The following FRMPD4 variants were observed in gnomAD, a reference collection of about 807,000 sequenced individuals.
The protein encoded by FRMPD4 is FERM and PDZ domain-containing protein 4.
Under a neutral mutation model 94.1 loss-of-function variants are expected in FRMPD4, and 22 were observed. The observed-to-expected ratio is 0.23, with a 90% CI of 0.17 to 0.33. FRMPD4 has a LOEUF of 0.33. Among genes scored for constraint, FRMPD4 ranks in the 10% least tolerant of loss-of-function variants. The pLI is 1.00. For missense variants in FRMPD4, 1,111 were observed against 1,339.9 expected, an observed-to-expected ratio of 0.83 and a Z score of 2.67; for synonymous variants, 631 against 548.6, an observed-to-expected ratio of 1.15 and a Z score of -2.10.
chrX:12,550,502 T>C (rs1180029983), intron 2 of FRMPD4, among the ~76,000 whole-genome samples: 1 of 111,500 alleles, frequency 9.0e-6, no homozygotes, highest in Non-Finnish European at 1.9e-5. Context: ...TTATTTTGGA[T>C]TCACTGAGGT....
At chrX:12,152,673 A>C (rs1009856138) in intron 1 of FRMPD4, among the ~76,000 whole-genome samples, 2 of 111,400 alleles carry the variant, frequency 1.8e-5, no homozygotes, top group African/African-American at 6.5e-5. Context: ...TATATTAAAG[A>C]TATGTATTAT....
intron 1 of FRMPD4, among the ~76,000 whole-genome samples, chrX:12,303,777 A>T (rs764591607): frequency 8.9e-6 from 1 of 112,505 alleles, no homozygotes; most frequent in Non-Finnish European, 1.9e-5. Flanking sequence ...ATATGAAAGG[A>T]AACCAAAAAG....
At chrX:12,002,813 G>A (rs2054531017) in intron 3 of FRMPD4, among the ~76,000 whole-genome samples, 1 of 111,564 alleles carries the variant, frequency 9.0e-6, no homozygotes, top group Non-Finnish European at 1.9e-5. Context: ...AATATTGCAT[G>A]CTTAAGCTTC....
chrX:12,109,532 A>G (rs1256856474), intron 3 of FRMPD4, among the ~76,000 whole-genome samples: 1 of 111,974 alleles, frequency 8.9e-6, no homozygotes, highest in Non-Finnish European at 1.9e-5. Flanking sequence ...GCAAGAGCAA[A>G]CACATTGAAA....
intron 1 of FRMPD4, among the ~76,000 whole-genome samples, chrX:12,476,604 A>C (rs1230760202): frequency 2.7e-5 from 3 of 111,985 alleles, no homozygotes; most frequent in East Asian, 2.8e-4. Flanking sequence ...CAATGAACTC[A>C]AACAAATTTA....
chrX:12,448,470 C>T (rs1236463370), intron 1 of FRMPD4, among the ~76,000 whole-genome samples: 1 of 112,121 alleles, frequency 8.9e-6, no homozygotes, highest in Non-Finnish European at 1.9e-5. Flanking sequence ...ACAATGTAGA[C>T]TAGGCAAATT....
At chrX:12,375,733 G>A (rs1239722176) in intron 1 of FRMPD4, among the ~76,000 whole-genome samples, 1 of 111,997 alleles carries the variant, frequency 8.9e-6, no homozygotes, top group Non-Finnish European at 1.9e-5. Flanking sequence ...GTCATCGGGG[G>A]CCTAAGTTGT....
chrX:12,027,172 C>T (rs181115584), intron 3 of FRMPD4, among the ~76,000 whole-genome samples: 96 of 112,197 alleles, frequency 8.6e-4, no homozygotes, highest in African/African-American at 2.9e-3. Context: ...TCTGTTCAAC[C>T]TGTTTACTTG....
At chrX:12,076,237 G>A (rs941781112) in intron 3 of FRMPD4, among the ~76,000 whole-genome samples, 9 of 110,514 alleles carry the variant, frequency 8.1e-5, no homozygotes, top group African/African-American at 2.3e-4. Context: ...ATAGAGTAGC[G>A]CCAACTGGTG....
rs779031672 is a variant in FRMPD4 at position 12,004,467 on chromosome X, G to A, written c.95+126449G>A. Among the ~76,000 whole-genome samples, 13 of 111,641 alleles carry A rather than the reference G, an allele frequency of 1.2e-4. No individual in the cohort carries two copies. The East Asian group carries it at 3.7e-3, about 31-fold the overall frequency. On this transcript the variant is annotated intron_variant, in intron 3 of 18. Transcript: ENST00000640291. ...TTTGCCAGGCTCTGTTCACCACCAA[G>A]CCTGGCCTGGCTCAACTCAAACTAG...
chrX:12,348,687 A>G (rs1287748406), intron 1 of FRMPD4, among the ~76,000 whole-genome samples: 1 of 111,468 alleles, frequency 9.0e-6, no homozygotes, highest in East Asian at 2.8e-4. Flanking sequence ...TTGACCATAA[A>G]CTAATTGAAA....
chrX:12,571,658 C>G (rs996107352), intron 2 of FRMPD4, among the ~76,000 whole-genome samples: 1 of 112,814 alleles, frequency 8.9e-6, no homozygotes, highest in Non-Finnish European at 1.9e-5. Flanking sequence ...CTTTCTTCCC[C>G]TTCCAGCAAA....
At chrX:12,530,753 A>G (rs2058276629) in intron 2 of FRMPD4, among the ~76,000 whole-genome samples, 1 of 111,817 alleles carries the variant, frequency 8.9e-6, no homozygotes, top group Non-Finnish European at 1.9e-5. Context: ...AAGAAGGACC[A>G]TAGCTTAGTT....
chrX:12,491,058 A>G (rs1423085574), intron 1 of FRMPD4, among the ~76,000 whole-genome samples: 1 of 110,932 alleles, frequency 9.0e-6, no homozygotes, highest in Non-Finnish European at 1.9e-5. Flanking sequence ...AATATATGGC[A>G]ATGTGTTTCC....
intron 1 of FRMPD4, among the ~76,000 whole-genome samples, chrX:12,311,206 G>T (rs996021296): frequency 9.0e-6 from 1 of 111,595 alleles, no homozygotes; most frequent in African/African-American, 3.3e-5. Flanking sequence ...ACTGGGTATG[G>T]GTGTGACACA....
intron 2 of FRMPD4, among the ~76,000 whole-genome samples, chrX:11,872,254 G>A (rs950401950): frequency 3.6e-5 from 4 of 112,201 alleles, no homozygotes; most frequent in Non-Finnish European, 3.8e-5. Context: ...GTTTTTGAAT[G>A]CCACTTGTAT....
At position 11,944,208 on chromosome X, in the gene FRMPD4, A is replaced by T. The variant is rs754802194; in HGVS notation, c.95+66190A>T. On this transcript the variant is annotated intron_variant, in intron 3 of 18. Coordinates refer to the FRMPD4 transcript ENST00000640291. ...TGTTATTTTGAGACTGTATATTTTT[A>T]ATGCTTTTATAGTCATCTTACTGGA... Among the ~76,000 whole-genome samples the T allele has an allele frequency of 3.6e-5, 4 of 112,296 alleles. No individual in the cohort carries two copies. In the Admixed American group the frequency reaches 3.8e-4, roughly 11 times the overall value.
At chrX:12,010,226 C>T (rs779444290) in intron 3 of FRMPD4, among the ~76,000 whole-genome samples, 3 of 111,823 alleles carry the variant, frequency 2.7e-5, no homozygotes, top group Non-Finnish European at 3.8e-5. Flanking sequence ...ATGACACCTA[C>T]TTTCTCTGTG....
intron 1 of FRMPD4, among the ~76,000 whole-genome samples, chrX:11,823,575 A>G (rs1195073339): frequency 1.8e-5 from 2 of 111,221 alleles, no homozygotes; most frequent in African/African-American, 3.3e-5. Flanking sequence ...TTTTCTGTAA[A>G]AGACCAGATA....
Sources: allele counts gnomAD v4.1 joint callset (sites outside exome capture counted in the v4.1 genomes callset), GRCh38; gene constraint gnomAD v4.1.1; transcripts MANE v1.5; gene names NCBI Gene and HGNC (gene_info 2026-07-23, HGNC 2026-07-21).